CDH13: variants seen among roughly 807,000 people sequenced by gnomAD.
The protein encoded by CDH13 is cadherin-13.
In CDH13, 24 loss-of-function variants were observed where a neutral mutation model predicts 63.8. That is an observed-to-expected ratio of 0.38 (90% CI 0.27 to 0.53). CDH13 has a LOEUF of 0.53. Among genes scored for constraint, CDH13 ranks in the 20% least tolerant of loss-of-function variants. The probability of loss-of-function intolerance (pLI) is 0.85; values close to 1 mark genes in which losing one functional copy is unlikely to be tolerated. For missense variants in CDH13, 1,049 were observed against 903.1 expected, an observed-to-expected ratio of 1.16 and a Z score of -2.07; for synonymous variants, 503 against 355.3, an observed-to-expected ratio of 1.42 and a Z score of -4.67.
chr16:83,422,371 T>C (rs1013681554), intron 6 of CDH13, among the ~76,000 whole-genome samples: 1 of 152,204 alleles, frequency 6.6e-6, no homozygotes, highest in Non-Finnish European at 1.5e-5. Flanking sequence ...ATTCAGTGAA[T>C]TTTGATCATG....
At chr16:82,892,535 T>C (rs2041115609) in intron 2 of CDH13, among the ~76,000 whole-genome samples, 2 of 152,172 alleles carry the variant, frequency 1.3e-5, no homozygotes, top group Admixed American at 6.5e-5. Context: ...GAGTGAGTCA[T>C]GTCACTAGAT....
intron 7 of CDH13, among the ~76,000 whole-genome samples, chr16:83,557,419 A>G (rs1025398580): frequency 6.6e-6 from 1 of 152,232 alleles, no homozygotes; most frequent in African/African-American, 2.4e-5. Flanking sequence ...ATTGCCTTCC[A>G]CAAAACTGGT....
At chr16:83,068,911 C>T (rs560476650) in intron 3 of CDH13, among the ~76,000 whole-genome samples, 1 of 152,306 alleles carries the variant, frequency 6.6e-6, no homozygotes, top group Non-Finnish European at 1.5e-5. Context: ...CATTATGACA[C>T]ATGATTGCCA....
At chr16:82,646,980 A>G (rs1910171293) in intron 1 of CDH13, among the ~76,000 whole-genome samples, 1 of 152,162 alleles carries the variant, frequency 6.6e-6, no homozygotes, top group East Asian at 1.9e-4. Context: ...TGTTAATAGC[A>G]TCAGTGTTAT....
intron 1 of CDH13, among the ~76,000 whole-genome samples, chr16:82,842,049 C>G (rs1288167512): frequency 7.0e-6 from 1 of 143,778 alleles, no homozygotes; most frequent in African/African-American, 2.6e-5. Context: ...TCCCTCCCTC[C>G]CTGTATTTCT....
chr16:82,997,137 GTGA>G (rs1182726661), intron 2 of CDH13, among the ~76,000 whole-genome samples: 2 of 107,228 alleles, frequency 1.9e-5, no homozygotes, highest in African/African-American at 8.8e-5. Context: ...GGTGATGGTG[GTGA>G]TGATGGTGAT....
At chr16:83,159,354 T>G (rs917835616) in intron 4 of CDH13, among the ~76,000 whole-genome samples, 1 of 152,246 alleles carries the variant, frequency 6.6e-6, no homozygotes, top group African/African-American at 2.4e-5. Flanking sequence ...CTTGTGAAGT[T>G]GCTGAATCCA....
At chr16:83,553,948 G>A (rs573461216) in intron 7 of CDH13, among the ~76,000 whole-genome samples, 2 of 152,250 alleles carry the variant, frequency 1.3e-5, no homozygotes, top group East Asian at 3.9e-4. Flanking sequence ...ATAATTTTGT[G>A]TCTTTTATAG....
intron 8 of CDH13, among the ~76,000 whole-genome samples, chr16:83,623,259 G>T (rs981893268): frequency 6.6e-6 from 1 of 152,136 alleles, no homozygotes; most frequent in African/African-American, 2.4e-5. Context: ...ACAGACTCCA[G>T]GAAGCCATGC....
At chr16:82,759,864 G>C (rs1424248723) in intron 1 of CDH13, among the ~76,000 whole-genome samples, 1 of 152,014 alleles carries the variant, frequency 6.6e-6, no homozygotes. Context: ...TAATTCAGCA[G>C]ATTCACCCTT....
chr16:82,639,897 G>A (rs905187221), intron 1 of CDH13, among the ~76,000 whole-genome samples: 9 of 152,184 alleles, frequency 5.9e-5, no homozygotes, highest in Non-Finnish European at 1.2e-4. Context: ...TGTGTGCACC[G>A]TCCCGCCACC....
intron 2 of CDH13, among the ~76,000 whole-genome samples, chr16:82,973,993 C>A (rs1909145784): frequency 6.6e-6 from 1 of 152,084 alleles, no homozygotes; most frequent in South Asian, 2.1e-4. Context: ...TGTGATAGCT[C>A]ACTGCAACCT....
chr16:83,701,214 C>G (rs889488), intron 10 of CDH13, among the ~76,000 whole-genome samples: 29,417 of 152,096 alleles, frequency 0.19, 3,004 homozygotes, highest in East Asian at 0.35. Flanking sequence ...CAGAATAAAA[C>G]TCTCAGTCCC....
chr16:82,897,927 C>G (rs1472356820), intron 2 of CDH13, among the ~76,000 whole-genome samples: 1 of 152,198 alleles, frequency 6.6e-6, no homozygotes, highest in Non-Finnish European at 1.5e-5. Context: ...AGTCCATGGA[C>G]TAAGTGTTAA....
intron 11 of CDH13, among the ~76,000 whole-genome samples, chr16:83,755,458 C>T (rs1913429373): frequency 1.3e-5 from 2 of 152,120 alleles, no homozygotes; most frequent in Non-Finnish European, 2.9e-5. Context: ...AAAAGTTTAG[C>T]AAACCACAAG....
chr16:82,984,235 T>C (rs1184218790), intron 2 of CDH13, among the ~76,000 whole-genome samples: 2 of 152,228 alleles, frequency 1.3e-5, no homozygotes, highest in Admixed American at 6.5e-5. Context: ...GCCAGCCTAA[T>C]TTGAAAACCA....
At chr16:83,097,638 T>A (rs552461718) in intron 3 of CDH13, among the ~76,000 whole-genome samples, 1 of 152,288 alleles carries the variant, frequency 6.6e-6, no homozygotes, top group East Asian at 1.9e-4. Flanking sequence ...AAGGCATCTG[T>A]GAAGAGGCAG....
intron 8 of CDH13, among the ~76,000 whole-genome samples, chr16:83,668,365 C>T (rs542082339): frequency 3.9e-5 from 6 of 152,188 alleles, no homozygotes; most frequent in Non-Finnish European, 7.4e-5. Flanking sequence ...CATGATTTCT[C>T]ACAGTGTTTT....
intron 2 of CDH13, chr16:82,954,087 A>C (rs1905691616): frequency 6.6e-6 from 1 of 152,074 alleles, no homozygotes; most frequent in Non-Finnish European, 1.5e-5. Context: ...TCAGCTGGGG[A>C]AGGCAAGGAA....
Sources: gnomAD v4.1 joint callset for allele counts (sites outside exome capture counted in the v4.1 genomes callset) on GRCh38, gnomAD v4.1.1 for gene constraint, MANE v1.5 for transcripts, NCBI Gene and HGNC (gene_info 2026-07-23, HGNC 2026-07-21) for gene names.